Variants in MYO1A observed in about 807,000 individuals in gnomAD.
The protein encoded by MYO1A is myosin IA, also known as unconventional myosin-Ia.
A neutral mutation model predicts 138.5 loss-of-function variants in MYO1A; 127 were observed. That is an observed-to-expected ratio of 0.92 (90% CI 0.79 to 1.06). The LOEUF is 1.06. MYO1A is among the 50% of genes least tolerant of loss of function. MYO1A has a pLI of 0.00. For missense variants in MYO1A, 1,211 were observed against 1,288.8 expected (o/e 0.94, Z 0.92); for synonymous variants, 477 against 497.5 (o/e 0.96, Z 0.55).
intron 14 of MYO1A, 94 bp from the exon 15 acceptor site, chr12:57,039,368 A>C (rs2030753786): frequency 1.1e-6 from 1 of 933,818 alleles, no homozygotes; most frequent in South Asian, 1.3e-5. Flanking sequence ...CCAACAAAGG[A>C]CATCAGAAAG....
intron 12 of MYO1A, 102 bp downstream of exon 12, chr12:57,042,970 C>T: frequency 9.0e-7 from 1 of 1,112,380 alleles, no homozygotes; most frequent in Non-Finnish European, 1.4e-6. Flanking sequence ...CCCCATCATC[C>T]TCCCTACTCT....
chr12:57,042,016 C>T (rs1297807000), intron 12 of MYO1A, among the ~76,000 whole-genome samples: 1 of 152,178 alleles, frequency 6.6e-6, no homozygotes, highest in Admixed American at 6.5e-5. Flanking sequence ...AATTCACATA[C>T]CATGTACAAT....
intron 1 of MYO1A, among the ~76,000 whole-genome samples, chr12:57,048,932 A>T (rs938215626): frequency 6.6e-6 from 1 of 152,208 alleles, no homozygotes; most frequent in African/African-American, 2.4e-5. Flanking sequence ...GAACTTGACA[A>T]GGCAGAATTA....
chr12:57,044,073 A>C (rs1021696364), intron 9 of MYO1A, 33 bp downstream of exon 9: 47 of 1,614,044 alleles, frequency 2.9e-5, no homozygotes, highest in Non-Finnish European at 3.7e-5. Context: ...GGATGACCTA[A>C]GGGCCCAAGC....
chr12:57,050,483 C>T (rs1337206143), upstream of MYO1A, among the ~76,000 whole-genome samples: 2 of 152,118 alleles, frequency 1.3e-5, no homozygotes, highest in Admixed American at 1.3e-4. Context: ...CCCAGGAGTT[C>T]GAGACCAGCC....
intron 22 of MYO1A, among the ~76,000 whole-genome samples, chr12:57,032,176 A>G (rs1252248996): frequency 1.3e-5 from 2 of 152,210 alleles, no homozygotes; most frequent in Non-Finnish European, 1.5e-5. Flanking sequence ...CAATTTGCCT[A>G]CACTCGTCTT....
At position 57,043,131 on chromosome 12, in the gene MYO1A, T is replaced by C. The variant is rs1408465496; in HGVS notation, c.1039A>G (p.Lys347Glu). 6.2e-7 allele frequency: 1 copy of C among 1,614,036 alleles called. No homozygotes were observed. The highest frequency in any genetic ancestry group is 8.5e-7 in the Non-Finnish European group (1 of 1,180,042). The change falls in exon 12 of 28, where the codon AAG becomes GAG. Residue 347 changes from lysine (K) to glutamate (E), a missense_variant. By Grantham distance (56) the Lys-to-Glu change is moderately conservative. Transcript: ENST00000300119. Reference protein sequence around the residue: ...QAQYARDALAKNIYSRLFDWI... With the variant: ...QAQYARDALAENIYSRLFDWI... ...TCAAAGAGGCGGCTGTAGATGTTCT[T>C]AGCCAGGGCGTCCCGAGCATACTGA...
At chr12:57,039,519 G>T in intron 14 of MYO1A, 1 of 529,638 alleles carries the variant, frequency 1.9e-6, no homozygotes, top group East Asian at 3.5e-5. Flanking sequence ...ACAATGCAGA[G>T]ATCCCTGTAG....
Position 57,031,152 on chromosome 12 carries a change from A to G in MYO1A, c.2372T>C (p.Leu791Pro), listed in dbSNP as rs2030264415. ...KSMVQKFLLG[L>P]KNNLPSTNVL... Reference sequence around the variant, plus strand: ...GTTTGTGGATGGCAAATTGTTCTTCAGCCCCAGTAGGAATTTCTGTACCTA... The same window carrying G: ...GTTTGTGGATGGCAAATTGTTCTTCGGCCCCAGTAGGAATTTCTGTACCTA... Residue 791 changes from leucine (L) to proline (P), a missense_variant, in exon 23 of 28, where the codon CTG becomes CCG. Leu to Pro is a moderately conservative substitution (Grantham distance 98). Coordinates refer to ENST00000300119, the MANE Select transcript of MYO1A (RefSeq NM_005379.4). 1.2e-6 allele frequency: 2 copies of G among 1,614,048 alleles called. No individual in the cohort carries two copies. Among genetic ancestry groups the G allele is most frequent in the Middle Eastern group, 1.6e-4 (1 of 6,084 alleles).
In MYO1A at chr12:57,043,267, C is replaced by G; in HGVS notation, c.984G>C (p.Lys328Asn). 5 of 1,614,176 alleles carry G rather than the reference C, an allele frequency of 3.1e-6. No homozygotes were observed. In the South Asian group the frequency reaches 4.4e-5, roughly 14 times the overall value. The change falls in exon 11 of 28, where the codon AAG becomes AAC. Residue 328 changes from lysine (K) to asparagine (N), a missense_variant. By Grantham distance (94) the Lys-to-Asn change is moderately conservative (BLOSUM62 0). Transcript: ENST00000300119. ...CSRTMETAKE[K>N]VVTALNVMQA... ...GCATAACATTCAGTGCAGTGACCACCTTTTCCTTGGCTGTTTCCATGGTCC... is the reference window on the plus strand; with the variant it reads ...GCATAACATTCAGTGCAGTGACCACGTTTTCCTTGGCTGTTTCCATGGTCC...
At chr12:57,042,426 C>A (rs1416001826) in intron 12 of MYO1A, among the ~76,000 whole-genome samples, 1 of 152,126 alleles carries the variant, frequency 6.6e-6, no homozygotes, top group East Asian at 1.9e-4. Flanking sequence ...TTGGCTATTA[C>A]AAATAAGGCT....
chr12:57,037,801 G>C, intron 18 of MYO1A, 68 bp downstream of exon 18: 1 of 1,562,130 alleles, frequency 6.4e-7, no homozygotes, highest in Non-Finnish European at 8.8e-7. Context: ...GCACCTCCAG[G>C]TCTCTTCCCC....
At chr12:57,047,200 C>T (rs2031139901) in intron 5 of MYO1A, 93 bp from the exon 6 acceptor site, 9 of 1,587,200 alleles carry the variant, frequency 5.7e-6, no homozygotes, top group Admixed American at 3.3e-5. Context: ...TTTTCTGGGT[C>T]GAACAAGAGA....
chr12:57,037,032 CT>C lies in MYO1A; in HGVS notation c.2114del (p.Gln705ArgfsTer15), dbSNP rs2030589669. The C allele has an allele frequency of 6.2e-7, 1 of 1,614,050 alleles. No homozygotes were observed. The highest frequency in any genetic ancestry group is 8.5e-7 in the Non-Finnish European group (1 of 1,180,046). On this transcript the variant is annotated frameshift_variant, in exon 20 of 28. Coordinates refer to ENST00000300119, the MANE Select transcript of MYO1A (RefSeq NM_005379.4). LOFTEE classifies it high-confidence loss of function. ...GGCAGCGCCAGCCTCGGTAAATCTT[CT>C]GTATGAGTGTGGCCAGCTGCTGGAG... ...LRLQQLATLI[Q>X]KIYRGWRCRT...
At position 57,048,320 on chromosome 12, in the gene MYO1A, G is replaced by A. The variant is rs767957669; in HGVS notation, c.4C>T (p.Pro2Ser). The stretch of plus-strand genomic sequence containing the variant: ...ACCCCCACAGAACCTTCCAGGAGAG[G>A]CATGTCCAGAGGGGCCACTGATCCT... M[P>S]LLEGSVGVED... The change falls in exon 2 of 28, where the codon CCT (proline) becomes TCT (serine). Residue 2 changes from proline to serine, a missense_variant. By Grantham distance (74) the Pro-to-Ser change is moderately conservative (BLOSUM62 -1). Transcript: ENST00000300119. 8 of 1,612,336 alleles carry A rather than the reference G, an allele frequency of 5.0e-6. 1 individual carries two copies. The Admixed American group carries it at 1.3e-4, about 27-fold the overall frequency.
Position 57,037,177 on chromosome 12 carries a change from C to T in MYO1A, c.2056-86G>A, listed in dbSNP as rs574167002. On this transcript the variant is annotated intron_variant, in intron 19 of 27. Coordinates refer to ENST00000300119, the MANE Select transcript of MYO1A (RefSeq NM_005379.4). ...CCTATACCCCACAGTACTGAGGCTT[C>T]CCAGCCAGGCCTTATTTGATCATTC... is the stretch of plus-strand genomic sequence containing the variant. 19 of 1,494,216 alleles carry T rather than the reference C, an allele frequency of 1.3e-5. No homozygotes were observed. The South Asian group carries it at 1.8e-4, about 15-fold the overall frequency. The allele number at this position is 1,494,216 out of a possible 1,614,324, so 92.6% of individuals were successfully genotyped here. A position where few individuals can be genotyped will look rare whatever the true frequency, so the allele number is the denominator to read the frequency against.
chr12:57,028,735 C>A lies in MYO1A; in HGVS notation c.*20G>T, dbSNP rs922679479. On this transcript the variant is annotated 3_prime_UTR_variant, in exon 28 of 28. Coordinates refer to ENST00000300119, the MANE Select transcript of MYO1A (RefSeq NM_005379.4). Reference sequence around the variant, plus strand: ...TGGTTCAGGAGGAAGCAACTGCCATCTCTGCATGGTGCCCCCTCCTCACTG... The same window carrying A: ...TGGTTCAGGAGGAAGCAACTGCCATATCTGCATGGTGCCCCCTCCTCACTG... 6.2e-7 allele frequency: 1 copy of A among 1,613,510 alleles called. No homozygotes were observed. The highest frequency in any genetic ancestry group is 1.3e-5 in the African/African-American group (1 of 74,916).
intron 9 of MYO1A, 42 bp downstream of exon 9, chr12:57,044,064 G>A: frequency 2.5e-6 from 4 of 1,614,184 alleles, no homozygotes; most frequent in Non-Finnish European, 3.4e-6. Flanking sequence ...GCGAATAGAG[G>A]ATGACCTAAG....
Position 57,030,288 on chromosome 12 carries a change from G to T in MYO1A, c.2513C>A (p.Pro838Gln). 6.2e-7 allele frequency: 1 copy of T among 1,614,102 alleles called. No homozygotes were observed. Among genetic ancestry groups the T allele is most frequent in the Non-Finnish European group, 8.5e-7 (1 of 1,180,022 alleles). Residue 838 changes from proline to glutamine, a missense_variant, in exon 24 of 28, where the codon CCG becomes CAG. Physicochemically the swap from Pro to Gln is moderately conservative, Grantham distance 76. Transcript: ENST00000300119. ...KCKRFRDQLSPKQVEILREKL... is the reference protein window; with the variant it reads ...KCKRFRDQLSQKQVEILREKL... ...TTCCCTCAGGATCTCTACCTGCTTC[G>T]GGGACAGCTGATCCCGGAACCTCTT...
Sources: allele counts gnomAD v4.1 joint callset (sites outside exome capture counted in the v4.1 genomes callset), GRCh38; gene constraint gnomAD v4.1.1; transcripts MANE v1.5; gene names NCBI Gene and HGNC (gene_info 2026-07-23, HGNC 2026-07-21).